CACNA1H: variants seen among roughly 807,000 people sequenced by gnomAD.
CACNA1H encodes voltage-dependent T-type calcium channel subunit alpha-1H.
CACNA1H carries 149 observed loss-of-function variants against 192.5 expected under a neutral mutation model. The ratio of observed to expected loss-of-function variants is 0.77; its 90% CI spans 0.68 to 0.89. The LOEUF (loss-of-function observed/expected upper bound fraction) is 0.89. CACNA1H is among the 40% of genes least tolerant of loss of function. CACNA1H has a pLI of 0.00. For missense variants in CACNA1H, 4,257 were observed against 3,423.5 expected (o/e 1.24, Z -6.08); for synonymous variants, 2,202 against 1,475.2 (o/e 1.49, Z -11.29).
chr16:1,161,724 G>T (rs1340487043), intron 2 of CACNA1H, among the ~76,000 whole-genome samples: 2 of 152,234 alleles, frequency 1.3e-5, no homozygotes, highest in African/African-American at 2.4e-5. Context: ...GAGATAGGCT[G>T]TCAGCCCCGT....
At chr16:1,190,658 G>A (rs1340181242) in intron 2 of CACNA1H, among the ~76,000 whole-genome samples, 1 of 152,366 alleles carries the variant, frequency 6.6e-6, no homozygotes, top group Middle Eastern at 3.4e-3. Flanking sequence ...GGGCCCCCCA[G>A]ACCCTGCTAT....
intron 2 of CACNA1H, among the ~76,000 whole-genome samples, chr16:1,183,224 C>T (rs1457897292): frequency 6.6e-6 from 1 of 152,158 alleles, no homozygotes; most frequent in Non-Finnish European, 1.5e-5. Flanking sequence ...CGGGATCTGG[C>T]CTCTGGGACC....
At chr16:1,217,533 C>A (rs563426191) in intron 31 of CACNA1H, among the ~76,000 whole-genome samples, 2 of 152,308 alleles carry the variant, frequency 1.3e-5, no homozygotes, top group East Asian at 1.9e-4. Context: ...GCAGGGCCCT[C>A]CCCCGGGCCC....
Position 1,221,762 on chromosome 16 carries a change from T to C in CACNA1H, c.*768T>C, listed in dbSNP as rs750955464. On this transcript the variant is annotated 3_prime_UTR_variant, in exon 35 of 35. Coordinates refer to ENST00000348261, the MANE Select transcript of CACNA1H (RefSeq NM_021098.3). ...GGAGCGGAATAAATAGTAACTTATT[T>C]AAGAAATGCACTTGGATTCCTGCCA... 46 of 1,575,956 alleles carry C rather than the reference T, an allele frequency of 2.9e-5. No homozygotes were observed. The highest frequency in any genetic ancestry group is 3.7e-5 in the Non-Finnish European group (43 of 1,160,054).
chr16:1,213,937 T>C lies in CACNA1H; in HGVS notation c.4929+6T>C, dbSNP rs1567547402. 1.9e-6 allele frequency: 3 copies of C among 1,608,602 alleles called. No individual in the cohort carries two copies. Among genetic ancestry groups the C allele is most frequent in the Admixed American group, 1.7e-5 (1 of 59,534 alleles). On this transcript the variant is annotated splice_donor_region_variant and intron_variant, in intron 27 of 34. Transcript: ENST00000348261. ...AGCACTATAACCAACCCAAGGTGGGTGCGAGGGGGCCGCGAGGGGCCCAGG... is the reference window on the plus strand; with the variant it reads ...AGCACTATAACCAACCCAAGGTGGGCGCGAGGGGGCCGCGAGGGGCCCAGG...
intron 2 of CACNA1H, among the ~76,000 whole-genome samples, chr16:1,157,412 G>A (rs776596868): frequency 2.8e-4 from 43 of 152,368 alleles, no homozygotes; most frequent in Middle Eastern, 3.4e-3. Flanking sequence ...TGAGGGCCAC[G>A]TGTTTGGCAG....
chr16:1,207,451 G>A (rs1567529614), intron 14 of CACNA1H, 21 bp downstream of exon 14: 2 of 1,609,166 alleles, frequency 1.2e-6, no homozygotes, highest in African/African-American at 2.7e-5. Flanking sequence ...AGGGAGAGGG[G>A]CTGCCAGGAG....
At chr16:1,179,487 G>A (rs1230477192) in intron 2 of CACNA1H, among the ~76,000 whole-genome samples, 1 of 152,146 alleles carries the variant, frequency 6.6e-6, no homozygotes, top group Non-Finnish European at 1.5e-5. Flanking sequence ...TGTTGTTGCT[G>A]GTGTGATCTC....
chr16:1,186,444 G>A (rs899305910), intron 2 of CACNA1H, among the ~76,000 whole-genome samples: 3 of 152,076 alleles, frequency 2.0e-5, no homozygotes, highest in Non-Finnish European at 4.4e-5. Context: ...ACGATGCCGC[G>A]GCGTGGGGTG....
chr16:1,171,345 G>T (rs1194392856), intron 2 of CACNA1H, among the ~76,000 whole-genome samples: 1 of 152,170 alleles, frequency 6.6e-6, no homozygotes, highest in Non-Finnish European at 1.5e-5. Context: ...AAGAGGACGA[G>T]GCCCAGATGG....
intron 2 of CACNA1H, among the ~76,000 whole-genome samples, chr16:1,177,471 C>T (rs1965006160): frequency 6.6e-6 from 1 of 152,196 alleles, no homozygotes; most frequent in Non-Finnish European, 1.5e-5. Flanking sequence ...GGCTCACGGT[C>T]ACACGTCTGT....
intron 2 of CACNA1H, among the ~76,000 whole-genome samples, chr16:1,178,347 C>T (rs982919485): frequency 4.1e-5 from 6 of 146,726 alleles, no homozygotes; most frequent in Admixed American, 4.1e-4. Context: ...TTCTGGTGCC[C>T]CCATATTCAT....
chr16:1,153,775 T>A lies in CACNA1H; in HGVS notation c.38T>A (p.Val13Glu), dbSNP rs1961896490. ...GCACGGGCCGCCGACGAGGTCCGGG[T>A]GCCCCTGGGCGCGCCGCCCCCTGGC... is the stretch of plus-strand genomic sequence containing the variant. The part of the protein sequence containing the change: ...EGARAADEVR[V>E]PLGAPPPGPA... Residue 13 changes from valine to glutamate, a missense_variant, in exon 2 of 35, where the codon GTG (valine) becomes GAG (glutamate). Physicochemically the swap from Val to Glu is moderately radical, Grantham distance 121 (BLOSUM62 -2). Transcript: ENST00000348261. The A allele has an allele frequency of 8.2e-7, 1 of 1,221,768 alleles. No homozygotes were observed. The highest frequency in any genetic ancestry group is 1.0e-6 in the Non-Finnish European group (1 of 981,882). 75.7% of individuals were successfully genotyped at this position (1,221,768 alleles called of 1,614,324 possible).
chr16:1,195,619 C>G, intron 4 of CACNA1H, 54 bp downstream of exon 4: 2 of 1,550,938 alleles, frequency 1.3e-6, no homozygotes, highest in Non-Finnish European at 1.7e-6. Context: ...CCGCCCACCC[C>G]ACAGGGATCC....
chr16:1,167,604 C>T lies in CACNA1H; in HGVS notation c.299+13568C>T, dbSNP rs1193696473. On this transcript the variant is annotated intron_variant, in intron 2 of 34. Coordinates refer to ENST00000348261, the MANE Select transcript of CACNA1H (RefSeq NM_021098.3). The surrounding 1 kb of genome is among the most constrained non-coding windows in gnomAD (Gnocchi z 4.2). ...GCGGCGGTGCCACTAATGGGGTTGC[C>T]GTGGCAACGCCTGTCACTAATCCCC... is the stretch of plus-strand genomic sequence containing the variant. Among the ~76,000 whole-genome samples, 2 of 152,196 alleles carry T rather than the reference C, an allele frequency of 1.3e-5. No homozygotes were observed. Among genetic ancestry groups the T allele is most frequent in the African/African-American group, 2.4e-5 (1 of 41,434 alleles).
chr16:1,207,999 C>T lies in CACNA1H; in HGVS notation c.3155-14C>T, dbSNP rs757953124. On this transcript the variant is annotated splice_polypyrimidine_tract_variant and intron_variant, in intron 15 of 34. Coordinates refer to ENST00000348261, the MANE Select transcript of CACNA1H (RefSeq NM_021098.3). ...TGGCAGCTCTAGGGGCCCATTCCTC[C>T]CTCTGTCCCGCAGAGCTGAAGATGT... 32 of 1,592,988 alleles carry T rather than the reference C, an allele frequency of 2.0e-5. No individual in the cohort carries two copies. The African/African-American group carries it at 2.1e-4, about 11-fold the overall frequency.
chr16:1,212,645 G>T, intron 26 of CACNA1H, 117 bp downstream of exon 26: 2 of 1,290,298 alleles, frequency 1.6e-6, no homozygotes, highest in Non-Finnish European at 2.2e-6. Context: ...AGCCGGAGGT[G>T]CTGGGCGTGT....
chr16:1,179,033 G>A (rs1238744223), intron 2 of CACNA1H, among the ~76,000 whole-genome samples: 1 of 152,218 alleles, frequency 6.6e-6, no homozygotes, highest in East Asian at 1.9e-4. Context: ...CAGAGACCCT[G>A]TTGGGTGGTG....
chr16:1,187,128 G>A lies in CACNA1H; in HGVS notation c.300-7844G>A, dbSNP rs114760273. Among the ~76,000 whole-genome samples the A allele has an allele frequency of 2.6e-3, 397 of 152,364 alleles. 4 individuals are homozygous for A. Among genetic ancestry groups the A allele is most frequent in the African/African-American group, 9.2e-3 (382 of 41,578 alleles). ...AGCGCCTGTGGGAATGGGCTTCCCC[G>A]GTGAATACACATAGGTCGTCTTCTT... is the stretch of plus-strand genomic sequence containing the variant. On this transcript the variant is annotated intron_variant, in intron 2 of 34. Transcript: ENST00000348261.
Sources: gnomAD v4.1 joint callset for allele counts (sites outside exome capture counted in the v4.1 genomes callset) on GRCh38, gnomAD v4.1.1 for gene constraint, Gnocchi (gnomAD v3.1) non-coding constraint, MANE v1.5 for transcripts, NCBI Gene and HGNC (gene_info 2026-07-23, HGNC 2026-07-21) for gene names.